VPS13B: variants seen among roughly 807,000 people sequenced by gnomAD.
VPS13B encodes the protein intermembrane lipid transfer protein VPS13B.
VPS13B carries 285 observed loss-of-function variants against 426.4 expected under a neutral mutation model. The observed-to-expected ratio is 0.67, with a 90% CI of 0.61 to 0.74. VPS13B has a LOEUF of 0.74. Among genes scored for constraint, VPS13B ranks in the 30% least tolerant of loss-of-function variants. The probability of loss-of-function intolerance (pLI) is 0.00; values close to 1 mark genes in which losing one functional copy is unlikely to be tolerated. For synonymous variants in VPS13B, 1,676 were observed against 1,676.4 expected (o/e 1.00, Z 0.01); for missense variants, 4,537 against 4,782.6 (o/e 0.95, Z 1.51).
At chr8:99,418,477 TTCTTTC>T (rs1435902600) in intron 21 of VPS13B, among the ~76,000 whole-genome samples, 1 of 147,248 alleles carries the variant, frequency 6.8e-6, no homozygotes, top group Non-Finnish European at 1.5e-5. Flanking sequence ...CTTTCTTTCT[TTCTTTC>T]TTTCTTTCTT....
intron 40 of VPS13B, among the ~76,000 whole-genome samples, chr8:99,769,351 A>C (rs190009940): frequency 6.6e-6 from 1 of 152,370 alleles, no homozygotes; most frequent in Admixed American, 6.5e-5. Context: ...TAGAAAGAAA[A>C]CAGTAATGAT....
chr8:99,743,484 T>C (rs1262948372), intron 39 of VPS13B, among the ~76,000 whole-genome samples: 1 of 152,020 alleles, frequency 6.6e-6, no homozygotes, highest in African/African-American at 2.4e-5. Context: ...TTAAAGTTCA[T>C]ATGGAACCAA....
chr8:99,857,130 A>C (rs6468696), intron 56 of VPS13B, among the ~76,000 whole-genome samples: 36,522 of 151,960 alleles, frequency 0.24, 5,662 homozygotes, highest in African/African-American at 0.44. Context: ...CTGACCAGCT[A>C]AGATGTCACT....
At chr8:99,744,330 G>T (rs1210385451) in intron 39 of VPS13B, among the ~76,000 whole-genome samples, 6 of 152,332 alleles carry the variant, frequency 3.9e-5, no homozygotes, top group Non-Finnish European at 7.3e-5. Flanking sequence ...ACAGGTGCTG[G>T]AGAGGATGTG....
chr8:99,179,242 T>C (rs540014649), intron 16 of VPS13B, among the ~76,000 whole-genome samples: 27 of 152,318 alleles, frequency 1.8e-4, no homozygotes, highest in African/African-American at 6.5e-4. Context: ...TGTTCTTAAA[T>C]ACTGTCTAAC....
At chr8:99,664,188 G>A (rs938460404) in intron 35 of VPS13B, among the ~76,000 whole-genome samples, 1 of 151,774 alleles carries the variant, frequency 6.6e-6, no homozygotes, top group African/African-American at 2.4e-5. Context: ...TGTATTTTTA[G>A]TAGAGGTTGG....
At chr8:99,319,110 A>G (rs1397957034) in intron 19 of VPS13B, among the ~76,000 whole-genome samples, 1 of 152,206 alleles carries the variant, frequency 6.6e-6, no homozygotes, top group African/African-American at 2.4e-5. Context: ...GTAATTTATA[A>G]TAGAAGCACA....
chr8:99,786,543 G>A (rs1461759092), intron 43 of VPS13B, among the ~76,000 whole-genome samples: 3 of 152,022 alleles, frequency 2.0e-5, no homozygotes, highest in African/African-American at 4.8e-5. Flanking sequence ...AACTAATAGG[G>A]GATTCTTAGT....
intron 3 of VPS13B, among the ~76,000 whole-genome samples, chr8:99,066,335 A>G (rs1211701218): frequency 5.9e-5 from 9 of 152,250 alleles, no homozygotes. Context: ...TGGAGGCCTC[A>G]GAAATAACAC....
At position 99,427,174 on chromosome 8, in the gene VPS13B, C is replaced by G. The variant is rs1235958991; in HGVS notation, c.3083-4363C>G. Among the ~76,000 whole-genome samples the G allele has an allele frequency of 4.7e-3, 270 of 57,692 alleles. 2 individuals carry two copies. The highest frequency in any genetic ancestry group is 7.2e-3 in the Non-Finnish European group (208 of 29,086). The allele number at this position is 57,692 out of a possible 152,430, so 37.8% of individuals were successfully genotyped here. On this transcript the variant is annotated intron_variant, in intron 21 of 61. Transcript: ENST00000357162. ...AGCACCATTTATTAAATAGGGAATC[C>G]TTTCCCCATTGCTTGTTTTTCTCAG...
At chr8:99,436,913 G>T (rs1333913764) in intron 22 of VPS13B, among the ~76,000 whole-genome samples, 1 of 151,886 alleles carries the variant, frequency 6.6e-6, no homozygotes, top group African/African-American at 2.4e-5. Flanking sequence ...TAATTTTTTT[G>T]TATTTTTAGT....
chr8:99,764,471 T>C (rs542183172), intron 39 of VPS13B, among the ~76,000 whole-genome samples: 49 of 147,940 alleles, frequency 3.3e-4, no homozygotes, highest in African/African-American at 1.2e-3. Context: ...TGGAGTGCAG[T>C]GGCGCGATCT....
intron 19 of VPS13B, among the ~76,000 whole-genome samples, chr8:99,369,321 A>G (rs994466488): frequency 1.3e-5 from 2 of 152,244 alleles, no homozygotes; most frequent in African/African-American, 2.4e-5. Flanking sequence ...AATTATATGC[A>G]TAGGATAAAA....
At chr8:99,828,399 T>G (rs1185679274) in intron 51 of VPS13B, among the ~76,000 whole-genome samples, 33 of 33,226 alleles carry the variant, frequency 9.9e-4, no homozygotes, top group Admixed American at 2.5e-3. Context: ...CCACCGTTTT[T>G]TTTTTTTTTT....
chr8:99,856,127 T>C (rs949541266), intron 56 of VPS13B, among the ~76,000 whole-genome samples: 1 of 152,214 alleles, frequency 6.6e-6, no homozygotes, highest in African/African-American at 2.4e-5. Context: ...AAACGAGCTC[T>C]CTTTGTTTTG....
chr8:99,095,865 A>T (rs1453616659), intron 3 of VPS13B, among the ~76,000 whole-genome samples: 1 of 152,168 alleles, frequency 6.6e-6, no homozygotes, highest in African/African-American at 2.4e-5. Context: ...AGGATTATTA[A>T]GATTAATCAT....
intron 31 of VPS13B, among the ~76,000 whole-genome samples, chr8:99,560,653 C>T (rs946639413): frequency 7.9e-5 from 12 of 152,054 alleles, no homozygotes; most frequent in Non-Finnish European, 1.0e-4. Flanking sequence ...GAGAGGAATG[C>T]AATAATGGAG....
chr8:99,294,414 T>C (rs925498221), intron 19 of VPS13B, among the ~76,000 whole-genome samples: 60 of 132,556 alleles, frequency 4.5e-4, no homozygotes, highest in Non-Finnish European at 6.4e-4. Flanking sequence ...GGGGGAGAGA[T>C]AGCATTGGGA....
At chr8:99,675,081 G>T (rs1830875100) in intron 35 of VPS13B, among the ~76,000 whole-genome samples, 1 of 151,620 alleles carries the variant, frequency 6.6e-6, no homozygotes, top group Non-Finnish European at 1.5e-5. Flanking sequence ...TTTTCTTTCA[G>T]CTTGAAAAAA....
Sources: gnomAD v4.1 joint callset for allele counts (sites outside exome capture counted in the v4.1 genomes callset) on GRCh38, gnomAD v4.1.1 for gene constraint, MANE v1.5 for transcripts, NCBI Gene and HGNC (gene_info 2026-07-23, HGNC 2026-07-21) for gene names.